Variants in CDC42BPB observed in about 807,000 individuals in gnomAD.
CDC42BPB encodes serine/threonine-protein kinase MRCK beta.
A neutral mutation model predicts 214.9 loss-of-function variants in CDC42BPB; 37 were observed. That is an observed-to-expected ratio of 0.17 (90% CI 0.13 to 0.23). CDC42BPB has a LOEUF of 0.23. Ranked by LOEUF, CDC42BPB falls within the 10% of genes least tolerant of loss-of-function variation. CDC42BPB has a pLI of 1.00. For missense variants in CDC42BPB, 1,694 were observed against 2,227.0 expected (o/e 0.76, Z 4.82); for synonymous variants, 931 against 884.0 (o/e 1.05, Z -0.94).
At chr14:103,046,155 TC>T (rs1384855491) in intron 1 of CDC42BPB, among the ~76,000 whole-genome samples, 1 of 151,716 alleles carries the variant, frequency 6.6e-6, no homozygotes, top group Non-Finnish European at 1.5e-5. Flanking sequence ...AGTCAGATCC[TC>T]CCCCACCAGC....
chr14:103,021,115 T>C (rs1299810602), intron 1 of CDC42BPB, among the ~76,000 whole-genome samples: 2 of 152,174 alleles, frequency 1.3e-5, no homozygotes, highest in Non-Finnish European at 2.9e-5. Context: ...CATTAAATTT[T>C]AACTTAATGC....
rs370691698 is a variant in CDC42BPB at position 102,949,737 on chromosome 14, G to A, written c.3449+28C>T. 12 of 1,612,706 alleles carry A rather than the reference G, an allele frequency of 7.4e-6. No individual in the cohort carries two copies. The African/African-American group carries it at 1.5e-4, about 20-fold the overall frequency. On this transcript the variant is annotated intron_variant, in intron 26 of 36. Transcript: ENST00000361246. ...AAGATAGCTGAGGAAGATTCACAGA[G>A]CAAGGACAGTGCTGCCCAAACGCAG...
At chr14:103,028,422 T>C (rs1887169850) in intron 1 of CDC42BPB, among the ~76,000 whole-genome samples, 1 of 152,194 alleles carries the variant, frequency 6.6e-6, no homozygotes, top group Non-Finnish European at 1.5e-5. Flanking sequence ...ATCCCAGAAC[T>C]GTGGGTGAAT....
chr14:102,966,986 C>G (rs111794655), intron 17 of CDC42BPB, 60 bp downstream of exon 17: 2 of 1,570,260 alleles, frequency 1.3e-6, no homozygotes, highest in Non-Finnish European at 1.7e-6. Flanking sequence ...AGAGGCGGGG[C>G]AGACCCCATG....
chr14:102,933,543 A>G lies in CDC42BPB; in HGVS notation c.*169T>C. On this transcript the variant is annotated 3_prime_UTR_variant, in exon 37 of 37. Coordinates refer to ENST00000361246, the MANE Select transcript of CDC42BPB (RefSeq NM_006035.4). ...ACAGATGTGGTCTACTGCCACGAACAATGCGGCATAAAACTGATCAATATT... is the reference window on the plus strand; with the variant it reads ...ACAGATGTGGTCTACTGCCACGAACGATGCGGCATAAAACTGATCAATATT... 1.8e-6 allele frequency: 1 copy of G among 551,678 alleles called. No homozygotes were observed. The highest frequency in any genetic ancestry group is 3.8e-5 in the South Asian group (1 of 26,434). The allele number at this position is 551,678 out of a possible 1,614,324, so 34.2% of individuals were successfully genotyped here.
Position 102,949,785 on chromosome 14 carries a change from C to G in CDC42BPB, c.3429G>C (p.Ala1143=), listed in dbSNP as rs763717292. 59 of 1,613,276 alleles carry G rather than the reference C, an allele frequency of 3.7e-5. No homozygotes were observed. In the Admixed American group the frequency reaches 9.7e-4, roughly 26 times the overall value. ...EGKSTQPGVI[A]SQVLDLRDDE... ...CAGACCTGAGATCCAAGACTTGGCT[C>G]GCAATGACACCAGGCTGGGTGGATT... The change falls in exon 26 of 37, where the codon GCG becomes GCC. Residue 1143 remains alanine (A), a synonymous_variant. Transcript: ENST00000361246.
At chr14:103,047,856 T>A (rs1378897121) in intron 1 of CDC42BPB, among the ~76,000 whole-genome samples, 4 of 147,416 alleles carry the variant, frequency 2.7e-5, no homozygotes, top group Non-Finnish European at 5.9e-5. Flanking sequence ...TGAGCCAAGA[T>A]TGCACCACTG....
chr14:102,980,538 T>C (rs1893952354), intron 8 of CDC42BPB, among the ~76,000 whole-genome samples: 1 of 152,150 alleles, frequency 6.6e-6, no homozygotes, highest in South Asian at 2.1e-4. Flanking sequence ...AAAGTATTTC[T>C]GTTGAGTTGC....
At chr14:103,036,302 G>A (rs909998641) in intron 1 of CDC42BPB, among the ~76,000 whole-genome samples, 8 of 151,592 alleles carry the variant, frequency 5.3e-5, no homozygotes, top group East Asian at 3.9e-4. Context: ...ACAGGCACCC[G>A]CCACCACGCC....
intron 21 of CDC42BPB, chr14:102,956,312 G>C: frequency 3.9e-6 from 1 of 258,030 alleles, no homozygotes; most frequent in Non-Finnish European, 6.1e-6. Flanking sequence ...CAGACAGGAG[G>C]AACAAACATC....
intron 26 of CDC42BPB, 138 bp from the exon 27 acceptor site, chr14:102,947,940 C>T: frequency 1.3e-6 from 2 of 1,502,190 alleles, no homozygotes; most frequent in Non-Finnish European, 1.8e-6. Context: ...CTCGCCTCCC[C>T]AGATGTAAGA....
At chr14:102,965,535 G>A (rs1039631158) in intron 18 of CDC42BPB, among the ~76,000 whole-genome samples, 3 of 152,078 alleles carry the variant, frequency 2.0e-5, no homozygotes, top group Admixed American at 1.3e-4. Flanking sequence ...ATCAACTTTC[G>A]AGAGGTATCA....
At chr14:102,940,388 C>G in intron 30 of CDC42BPB, 64 bp from the exon 31 acceptor site, 5 of 1,546,814 alleles carry the variant, frequency 3.2e-6, no homozygotes, top group South Asian at 1.2e-5. Flanking sequence ...GCCCTCGGGC[C>G]GGAGGCCAAG....
At chr14:103,023,964 G>A (rs965560245) in intron 1 of CDC42BPB, among the ~76,000 whole-genome samples, 2 of 152,190 alleles carry the variant, frequency 1.3e-5, no homozygotes, top group African/African-American at 4.8e-5. Context: ...AGCACTGATG[G>A]GGGCGGTGCC....
chr14:102,951,961 G>A (rs1892510129), intron 24 of CDC42BPB, among the ~76,000 whole-genome samples: 1 of 152,192 alleles, frequency 6.6e-6, no homozygotes, highest in Non-Finnish European at 1.5e-5. Context: ...CTCAGTAGAT[G>A]AGTTGAGTCA....
chr14:103,011,770 T>C (rs1381633102), intron 2 of CDC42BPB, among the ~76,000 whole-genome samples: 1 of 152,044 alleles, frequency 6.6e-6, no homozygotes, highest in Admixed American at 6.6e-5. Flanking sequence ...AAAAACTACA[T>C]CTGAAGAAAC....
chr14:102,954,910 G>T, intron 21 of CDC42BPB: 1 of 580,014 alleles, frequency 1.7e-6, no homozygotes, highest in Non-Finnish European at 2.2e-6. Flanking sequence ...GGCTTCCTCA[G>T]CTGAGTGGTG....
rs746433474 is a variant in CDC42BPB at position 102,968,465 on chromosome 14, A to C, written c.2240+7T>G. On this transcript the variant is annotated splice_region_variant and intron_variant, in intron 15 of 36. Transcript: ENST00000361246. Reference sequence around the variant, plus strand: ...TCTTCTGAACTGAGAAGCTCATGAAAACCTACCGTTCTCGCTTTGACTTTT... The same window carrying C: ...TCTTCTGAACTGAGAAGCTCATGAACACCTACCGTTCTCGCTTTGACTTTT... The C allele has an allele frequency of 1.9e-6, 3 of 1,613,842 alleles. No homozygotes were observed. The highest frequency in any genetic ancestry group is 1.7e-6 in the Non-Finnish European group (2 of 1,179,976).
chr14:102,964,887 T>G (rs1893125861), intron 18 of CDC42BPB: 1 of 529,858 alleles, frequency 1.9e-6, no homozygotes, highest in Non-Finnish European at 2.4e-6. Context: ...TTTAGAAGAA[T>G]AAAAGTGATT....
Sources: gnomAD v4.1 joint callset for allele counts (sites outside exome capture counted in the v4.1 genomes callset) on GRCh38, gnomAD v4.1.1 for gene constraint, MANE v1.5 for transcripts, NCBI Gene and HGNC (gene_info 2026-07-23, HGNC 2026-07-21) for gene names.